The following PLXND1 variants were observed in gnomAD, a reference collection of about 807,000 sequenced individuals.
PLXND1 encodes plexin D1.
In PLXND1, 54 loss-of-function variants were observed where a neutral mutation model predicts 197.7. The observed-to-expected ratio is 0.27, with a 90% CI of 0.22 to 0.34. The LOEUF (loss-of-function observed/expected upper bound fraction) is 0.34, where lower values mean the gene tolerates loss of function less well. Among genes scored for constraint, PLXND1 ranks in the 10% least tolerant of loss-of-function variants. The pLI is 1.00. For missense variants in PLXND1, 2,127 were observed against 2,699.2 expected, an observed-to-expected ratio of 0.79 and a Z score of 4.70; for synonymous variants, 1,180 against 1,161.2, an observed-to-expected ratio of 1.02 and a Z score of -0.33.
At chr3:129,578,774 G>A (rs2085348898) in intron 8 of PLXND1, among the ~76,000 whole-genome samples, 1 of 152,140 alleles carries the variant, frequency 6.6e-6, no homozygotes, top group Admixed American at 6.5e-5. Flanking sequence ...CCTGTCTCTG[G>A]GCCTCACCTT....
intron 15 of PLXND1, among the ~76,000 whole-genome samples, chr3:129,572,402 G>T (rs973739345): frequency 6.6e-6 from 1 of 152,190 alleles, no homozygotes; most frequent in East Asian, 1.9e-4. Flanking sequence ...CTGTATACCT[G>T]GCACAAAGCC....
At chr3:129,562,365 C>G (rs568831477) in intron 27 of PLXND1, 1 of 230,978 alleles carries the variant, frequency 4.3e-6, no homozygotes, top group African/African-American at 2.2e-5. Flanking sequence ...GTAAAATTAG[C>G]TGGATGTGGT....
intron 20 of PLXND1, among the ~76,000 whole-genome samples, chr3:129,568,684 G>A (rs879815787): frequency 6.6e-6 from 1 of 152,152 alleles, no homozygotes; most frequent in African/African-American, 2.4e-5. Flanking sequence ...GAGTAGCTGG[G>A]ACTACAGACT....
Position 129,566,002 on chromosome 3 carries a change from G to T in PLXND1, c.4207C>A (p.Arg1403=). 3.1e-6 allele frequency: 5 copies of T among 1,614,076 alleles called. No homozygotes were observed. The South Asian group carries it at 4.4e-5, about 14-fold the overall frequency. Reference sequence around the variant, plus strand: ...CTAATTCCCTCTTCCATGTTGGGCCGGCAGCTCTCAGGAATCTGTGGAAGC... The same window carrying T: ...CTAATTCCCTCTTCCATGTTGGGCCTGCAGCTCTCAGGAATCTGTGGAAGC... ...LGEWKIPESC[R]PNMEEGISLF... The change falls in exon 24 of 36, where the codon CGG becomes AGG. Residue 1403 remains arginine, a synonymous_variant. Transcript: ENST00000324093.
At chr3:129,579,857 G>T (rs2085362427) in intron 8 of PLXND1, among the ~76,000 whole-genome samples, 1 of 152,204 alleles carries the variant, frequency 6.6e-6, no homozygotes, top group South Asian at 2.1e-4. Context: ...ATGAGAGCAG[G>T]ACAGGGACTG....
chr3:129,601,962 G>C (rs2085714606), intron 1 of PLXND1, among the ~76,000 whole-genome samples: 1 of 152,200 alleles, frequency 6.6e-6, no homozygotes, highest in Non-Finnish European at 1.5e-5. Context: ...ATTTGCGACT[G>C]AGTGAAGGAA....
chr3:129,579,520 C>G (rs909980443), intron 8 of PLXND1, among the ~76,000 whole-genome samples: 1 of 152,190 alleles, frequency 6.6e-6, no homozygotes, highest in Admixed American at 6.5e-5. Context: ...ATGGACCCCC[C>G]AACCTGCCCT....
At chr3:129,603,052 C>G (rs562798763) in intron 1 of PLXND1, among the ~76,000 whole-genome samples, 2 of 152,218 alleles carry the variant, frequency 1.3e-5, no homozygotes, top group African/African-American at 2.4e-5. Flanking sequence ...ATCCCTCCCC[C>G]ACCCCTGCCC....
Position 129,558,566 on chromosome 3 carries a change from G to T in PLXND1, c.5307C>A (p.Leu1769=). The T allele has an allele frequency of 6.2e-7, 1 of 1,613,982 alleles. No homozygotes were observed. The highest frequency in any genetic ancestry group is 1.1e-5 in the South Asian group (1 of 91,078). The part of the protein sequence containing the change: ...LHIWKTNSLP[L]RFWVNILKNP... ...TCTTCAGGATGTTCACCCAGAACCG[G>T]AGAGGAAGGCTGTGGGGTAGGGTGA... Residue 1769 remains leucine (L), a synonymous_variant, in exon 33 of 36, where the codon CTC becomes CTA. Coordinates refer to ENST00000324093, the MANE Select transcript of PLXND1 (RefSeq NM_015103.3). This position sits in a 1 kb window ranked among gnomAD's most constrained non-coding sequence, Gnocchi z 4.1.
intron 1 of PLXND1, among the ~76,000 whole-genome samples, chr3:129,602,169 C>T (rs1334557613): frequency 6.6e-6 from 1 of 152,214 alleles, no homozygotes; most frequent in Non-Finnish European, 1.5e-5. Context: ...CATTCCCCTT[C>T]TGCAGCGGGG....
chr3:129,574,228 T>C (rs1031665699), intron 12 of PLXND1, 108 bp downstream of exon 12: 1 of 970,650 alleles, frequency 1.0e-6, no homozygotes, highest in Non-Finnish European at 1.5e-6. Flanking sequence ...TGCACCCATG[T>C]GTCGGTGTAT....
chr3:129,565,964 T>A lies in PLXND1; in HGVS notation c.4245A>T (p.Ser1415=), dbSNP rs375838816. 16 of 1,613,908 alleles carry A rather than the reference T, an allele frequency of 9.9e-6. No homozygotes were observed. In the African/African-American group the frequency reaches 1.6e-4, roughly 16 times the overall value. ...TGAGGAAGTGCTTGTTGTTGAGTAGTGAGGAGAACAAGCTAATTCCCTCTT... is the reference window on the plus strand; with the variant it reads ...TGAGGAAGTGCTTGTTGTTGAGTAGAGAGGAGAACAAGCTAATTCCCTCTT... ...NMEEGISLFS[S]LLNNKHFLIV... Residue 1415 remains serine, a synonymous_variant, in exon 24 of 36, where the codon TCA becomes TCT. Transcript: ENST00000324093.
chr3:129,561,354 G>T (rs1463690051), intron 29 of PLXND1, among the ~76,000 whole-genome samples: 1 of 152,224 alleles, frequency 6.6e-6, no homozygotes, highest in Admixed American at 6.5e-5. Flanking sequence ...GCTGAGACGG[G>T]CATGCTGGCC....
Position 129,571,310 on chromosome 3 carries a change from C to T in PLXND1, c.3337-7G>A. The T allele has an allele frequency of 6.2e-7, 1 of 1,608,908 alleles. No individual in the cohort carries two copies. Among genetic ancestry groups the T allele is most frequent in the Non-Finnish European group, 8.5e-7 (1 of 1,177,560 alleles). ...AGTTGAGAACCTTGCAGAGCTGGTG[C>T]AGGAGAGCCAGGGGCCCAGGCCGGG... On this transcript the variant is annotated splice_region_variant and splice_polypyrimidine_tract_variant and intron_variant, in intron 17 of 35. Coordinates refer to ENST00000324093, the MANE Select transcript of PLXND1 (RefSeq NM_015103.3).
chr3:129,605,778 C>A lies in PLXND1; in HGVS notation c.862G>T (p.Asp288Tyr), dbSNP rs1354243255. 1.3e-6 allele frequency: 2 copies of A among 1,579,598 alleles called. No homozygotes were observed. The highest frequency in any genetic ancestry group is 8.6e-7 in the Non-Finnish European group (1 of 1,164,088). Residue 288 changes from aspartate (D) to tyrosine (Y), a missense_variant, in exon 1 of 36, where the codon GAC becomes TAC. By Grantham distance (160) the Asp-to-Tyr change is radical. Coordinates refer to ENST00000324093, the MANE Select transcript of PLXND1 (RefSeq NM_015103.3). ...TAGGACTGTGCACCCGGCGGCGGGT[C>A]GGACGGGTGCAGGAAGGCGCTCACG... ...GFVSAFLHPS[D>Y]PPPGAQSYAY...
Position 129,606,124 on chromosome 3 carries a change from G to A in PLXND1, c.516C>T (p.Pro172=). Residue 172 remains proline, a synonymous_variant, in exon 1 of 36, where the codon CCC becomes CCT. Transcript: ENST00000324093. ...RFPPAAPPAE[P]VTVFPSMLNV... ...TCAGCATGCTGGGGAACACCGTGAC[G>A]GGCTCGGCGGGCGGCGCGGCGGGCG... 6.6e-7 allele frequency: 1 copy of A among 1,510,172 alleles called. No homozygotes were observed. The highest frequency in any genetic ancestry group is 1.3e-5 in the South Asian group (1 of 78,728). The allele number at this position is 1,510,172 out of a possible 1,614,324, so 93.5% of individuals were successfully genotyped here.
chr3:129,559,759 C>T lies in PLXND1; in HGVS notation c.5158G>A (p.Asp1720Asn). 1 of 1,608,130 alleles carries T rather than the reference C, an allele frequency of 6.2e-7. No homozygotes were observed. The highest frequency in any genetic ancestry group is 8.5e-7 in the Non-Finnish European group (1 of 1,177,290). Residue 1720 changes from aspartate (D) to asparagine (N), a missense_variant, in exon 32 of 36, where the codon GAC becomes AAC. By Grantham distance (23) the Asp-to-Asn change is conservative. This residue lies in a region of PLXND1 where 200 missense variants were observed against 303.3 expected (regional missense o/e 0.66). Transcript: ENST00000324093. ...TKGTLQKFLD[D>N]LFKAILSIRE... ...ATACTCAGAATGGCCTTGAACAGGT[C>T]ATCCAGAAACTTCTGCAACGTGCCC...
chr3:129,556,156 C>T lies in PLXND1; in HGVS notation c.*156G>A. 1 of 650,516 alleles carries T rather than the reference C, an allele frequency of 1.5e-6. No homozygotes were observed. The highest frequency in any genetic ancestry group is 2.7e-6 in the Non-Finnish European group (1 of 363,858). The allele number at this position is 650,516 out of a possible 1,614,324, so 40.3% of individuals were successfully genotyped here. On this transcript the variant is annotated 3_prime_UTR_variant, in exon 36 of 36. Coordinates refer to ENST00000324093, the MANE Select transcript of PLXND1 (RefSeq NM_015103.3). ...GCCCAGGGGTCAAGGCGGGGGCGCC[C>T]CTGTCTCAGAGAGCAGCCCCTCCTC... is the stretch of plus-strand genomic sequence containing the variant.
Position 129,586,030 on chromosome 3 carries a change from G to A in PLXND1, c.1773C>T (p.Thr591=), listed in dbSNP as rs776752650. The A allele has an allele frequency of 1.2e-6, 2 of 1,614,022 alleles. No individual in the cohort carries two copies. Among genetic ancestry groups the A allele is most frequent in the Non-Finnish European group, 8.5e-7 (1 of 1,180,014 alleles). The part of the protein sequence containing the change: ...CTNSSQQHFW[T]SASEGPSRCP... Reference sequence around the variant, plus strand: ...AGCGGCTGGGGCCCTCGCTGGCACTGGTCCAGAAATGCTGCTGGCTGGAAT... The same window carrying A: ...AGCGGCTGGGGCCCTCGCTGGCACTAGTCCAGAAATGCTGCTGGCTGGAAT... Residue 591 remains threonine, a synonymous_variant, in exon 5 of 36, where the codon ACC becomes ACT. Coordinates refer to ENST00000324093, the MANE Select transcript of PLXND1 (RefSeq NM_015103.3).
Sources: allele counts gnomAD v4.1 joint callset (sites outside exome capture counted in the v4.1 genomes callset), GRCh38; gene constraint gnomAD v4.1.1; regional missense constraint gnomAD v4.1.1; non-coding constraint Gnocchi (gnomAD v3.1); transcripts MANE v1.5; gene names NCBI Gene and HGNC (gene_info 2026-07-23, HGNC 2026-07-21).